The following ST8SIA5 variants were observed in gnomAD, a reference collection of about 807,000 sequenced individuals.
ST8SIA5 encodes the protein ST8 alpha-N-acetyl-neuraminide alpha-2,8-sialyltransferase 5, also known as alpha-2,8-sialyltransferase 8E.
ST8SIA5 carries 24 observed loss-of-function variants against 40.2 expected under a neutral mutation model. The observed-to-expected ratio is 0.60, with a 90% CI of 0.43 to 0.84. The LOEUF is 0.84. Ranked by LOEUF, ST8SIA5 falls within the 40% of genes least tolerant of loss-of-function variation. The pLI is 0.00. For missense variants in ST8SIA5, 465 were observed against 498.5 expected (o/e 0.93, Z 0.64); for synonymous variants, 198 against 201.8 (o/e 0.98, Z 0.16).
At chr18:46,742,672 C>T (rs2040098885) in intron 1 of ST8SIA5, among the ~76,000 whole-genome samples, 1 of 152,216 alleles carries the variant, frequency 6.6e-6, no homozygotes, top group South Asian at 2.1e-4. Context: ...CTTCTGCAGA[C>T]TTAAACGTCC....
intron 2 of ST8SIA5, among the ~76,000 whole-genome samples, chr18:46,695,381 G>A (rs995546242): frequency 1.3e-5 from 2 of 152,088 alleles, no homozygotes; most frequent in African/African-American, 4.8e-5. Context: ...TAAGACCTAA[G>A]TCTTAGTTCA....
chr18:46,668,109 G>A lies in ST8SIA5; in HGVS notation c.*11933C>T, dbSNP rs561721253. 1 of 152,338 alleles carries A rather than the reference G, an allele frequency of 6.6e-6. No homozygotes were observed. Among genetic ancestry groups the A allele is most frequent in the South Asian group, 2.1e-4 (1 of 4,830 alleles). 9.4% of individuals were successfully genotyped at this position (152,338 alleles called of 1,614,324 possible). ...TTTCTCTCCAGGGCCAGGGGAGGGA[G>A]AAAATCAGCAGAGCAAGCAAGGGGC... On this transcript the variant is annotated 3_prime_UTR_variant, in exon 7 of 7. Transcript: ENST00000315087.
chr18:46,680,361 G>A lies in ST8SIA5; in HGVS notation c.812C>T (p.Pro271Leu). 1.2e-6 allele frequency: 2 copies of A among 1,614,176 alleles called. No individual in the cohort carries two copies. Among genetic ancestry groups the A allele is most frequent in the South Asian group, 1.1e-5 (1 of 91,088 alleles). Residue 271 changes from proline to leucine, a missense_variant, in exon 7 of 7, where the codon CCG (proline) becomes CTG (leucine). Physicochemically the swap from Pro to Leu is moderately conservative, Grantham distance 98 (BLOSUM62 -3). Transcript: ENST00000315087. Reference protein sequence around the residue: ...VKYVLDDFESPQAVYYFHPQY... With the variant: ...VKYVLDDFESLQAVYYFHPQY... Reference sequence around the variant, plus strand: ...CGGATGGAAGTAGTAGACAGCTTGCGGCGATTCGAAGTCGTCCAGCACGTA... The same window carrying A: ...CGGATGGAAGTAGTAGACAGCTTGCAGCGATTCGAAGTCGTCCAGCACGTA...
In ST8SIA5 at chr18:46,699,803, C is replaced by A. The variant is rs527354257; in HGVS notation, c.224+4769G>T. Among the ~76,000 whole-genome samples the A allele has an allele frequency of 9.8e-5, 15 of 152,324 alleles. No homozygotes were observed. The South Asian group carries it at 1.0e-3, about 11-fold the overall frequency. On this transcript the variant is annotated intron_variant, in intron 2 of 6. Coordinates refer to ENST00000315087, the MANE Select transcript of ST8SIA5 (RefSeq NM_013305.6). ...AGGGCCAGACTCAGAGATGCCGAAG[C>A]CTGGGTCCTGGCCCTCCAGGAACCT...
intron 1 of ST8SIA5, among the ~76,000 whole-genome samples, chr18:46,721,900 C>T (rs988307560): frequency 6.6e-6 from 1 of 152,222 alleles, no homozygotes; most frequent in Non-Finnish European, 1.5e-5. Context: ...TTCCAGCACA[C>T]AAGGATACCA....
intron 1 of ST8SIA5, among the ~76,000 whole-genome samples, chr18:46,711,617 C>T (rs1016036313): frequency 3.9e-5 from 6 of 152,162 alleles, no homozygotes; most frequent in South Asian, 4.1e-4. Flanking sequence ...GCTGCCGTCT[C>T]GAGATAGCAC....
At chr18:46,709,041 T>C (rs2039696420) in intron 1 of ST8SIA5, among the ~76,000 whole-genome samples, 1 of 152,212 alleles carries the variant, frequency 6.6e-6, no homozygotes, top group Admixed American at 6.5e-5. Context: ...CTATCCTACC[T>C]GGGCTCTGCT....
chr18:46,717,268 G>A (rs528036891), intron 1 of ST8SIA5, among the ~76,000 whole-genome samples: 12 of 152,290 alleles, frequency 7.9e-5, no homozygotes, highest in African/African-American at 1.2e-4. Context: ...GGCCATGCTC[G>A]GTGAGGGGTG....
At chr18:46,708,800 G>A (rs529641613) in intron 1 of ST8SIA5, among the ~76,000 whole-genome samples, 2 of 152,184 alleles carry the variant, frequency 1.3e-5, no homozygotes, top group South Asian at 4.1e-4. Context: ...TCTTCCCATG[G>A]TCCTGCAGGG....
chr18:46,674,243 C>T lies in ST8SIA5; in HGVS notation c.*5799G>A, dbSNP rs1164657398. The T allele has an allele frequency of 6.6e-6, 1 of 152,166 alleles. No individual in the cohort carries two copies. Among genetic ancestry groups the T allele is most frequent in the Non-Finnish European group, 1.5e-5 (1 of 68,038 alleles). The allele number at this position is 152,166 out of a possible 1,614,324, so 9.4% of individuals were successfully genotyped here. A position where few individuals can be genotyped will look rare whatever the true frequency, so the allele number is the denominator to read the frequency against. Reference sequence around the variant, plus strand: ...ACAAGAAACACAGAAAATGTCTCTCCCTTCTTTCATTTAAACTAGAGGAAA... The same window carrying T: ...ACAAGAAACACAGAAAATGTCTCTCTCTTCTTTCATTTAAACTAGAGGAAA... On this transcript the variant is annotated 3_prime_UTR_variant, in exon 7 of 7. Transcript: ENST00000315087.
intron 1 of ST8SIA5, among the ~76,000 whole-genome samples, chr18:46,743,154 C>T (rs1156645666): frequency 2.0e-5 from 3 of 152,158 alleles, no homozygotes; most frequent in Non-Finnish European, 4.4e-5. Flanking sequence ...GTGCCTCTTC[C>T]CCTCCAAAGG....
At chr18:46,683,480 C>T (rs578251264) in intron 5 of ST8SIA5, among the ~76,000 whole-genome samples, 21 of 152,104 alleles carry the variant, frequency 1.4e-4, no homozygotes, top group Admixed American at 9.8e-4. Flanking sequence ...GACTGTGGCC[C>T]GGTGACTGGA....
At chr18:46,680,627 C>G (rs1386767595) in intron 6 of ST8SIA5, 117 bp from the exon 7 acceptor site, 16 of 1,066,112 alleles carry the variant, frequency 1.5e-5, no homozygotes, top group Non-Finnish European at 2.1e-5. Context: ...ATAAGGCCAC[C>G]TGCCTCCTGA....
At chr18:46,745,053 C>A (rs1338464876) in intron 1 of ST8SIA5, among the ~76,000 whole-genome samples, 1 of 152,182 alleles carries the variant, frequency 6.6e-6, no homozygotes, top group Non-Finnish European at 1.5e-5. Flanking sequence ...ATCTCTGGGA[C>A]ACATTTAAAG....
At chr18:46,743,410 T>A (rs997375849) in intron 1 of ST8SIA5, among the ~76,000 whole-genome samples, 2 of 152,132 alleles carry the variant, frequency 1.3e-5, no homozygotes, top group Non-Finnish European at 2.9e-5. Flanking sequence ...AAGAACTTCG[T>A]GATGCATGCA....
chr18:46,719,973 G>T (rs2039845021), intron 1 of ST8SIA5, among the ~76,000 whole-genome samples: 1 of 151,780 alleles, frequency 6.6e-6, no homozygotes, highest in Admixed American at 6.6e-5. Context: ...TGAGTAGCTG[G>T]GATTACAGGC....
chr18:46,743,416 A>G (rs545275423), intron 1 of ST8SIA5, among the ~76,000 whole-genome samples: 24 of 152,360 alleles, frequency 1.6e-4, no homozygotes, highest in African/African-American at 5.3e-4. Context: ...TTCGTGATGC[A>G]TGCACAAGCT....
intron 1 of ST8SIA5, among the ~76,000 whole-genome samples, chr18:46,719,133 C>T (rs569814841): frequency 6.6e-6 from 1 of 152,234 alleles, no homozygotes; most frequent in African/African-American, 2.4e-5. Context: ...GTGGTCATGC[C>T]ATTTATTCTG....
At chr18:46,685,378 C>T (rs941400965) in intron 5 of ST8SIA5, among the ~76,000 whole-genome samples, 1 of 152,190 alleles carries the variant, frequency 6.6e-6, no homozygotes, top group African/African-American at 2.4e-5. Context: ...ACAGGGAGCA[C>T]ATGGGCAGAC....
Sources: gnomAD v4.1 joint callset for allele counts (sites outside exome capture counted in the v4.1 genomes callset) on GRCh38, gnomAD v4.1.1 for gene constraint, MANE v1.5 for transcripts, NCBI Gene and HGNC (gene_info 2026-07-23, HGNC 2026-07-21) for gene names.